The following ZNF609 variants were observed in gnomAD, a reference collection of about 807,000 sequenced individuals.
The protein encoded by ZNF609 is zinc finger protein 609.
A neutral mutation model predicts 109.5 loss-of-function variants in ZNF609; 11 were observed. The observed-to-expected ratio is 0.10, with a 90% confidence interval of 0.06 to 0.17. The LOEUF (loss-of-function observed/expected upper bound fraction) is 0.17. Ranked by LOEUF, ZNF609 falls within the 10% of genes least tolerant of loss-of-function variation. The probability of loss-of-function intolerance (pLI) is 1.00; values close to 1 mark genes in which losing one functional copy is unlikely to be tolerated. For synonymous variants in ZNF609, 646 were observed against 662.0 expected (o/e 0.98, Z 0.37); for missense variants, 1,559 against 1,772.4 (o/e 0.88, Z 2.16).
intron 7 of ZNF609, 133 bp from the exon 8 acceptor site, chr15:64,680,513 G>T: frequency 3.9e-6 from 5 of 1,279,200 alleles, no homozygotes; most frequent in Non-Finnish European, 5.4e-6. Flanking sequence ...TTATTCTTAG[G>T]TATCTTGCAC....
At chr15:64,480,479 C>T (rs56307383) in intron 1 of ZNF609, among the ~76,000 whole-genome samples, 7,284 of 151,150 alleles carry the variant, frequency 0.048, 232 homozygotes, top group South Asian at 0.086. Flanking sequence ...TGCAGTGAGC[C>T]GAGATTCCAC....
intron 2 of ZNF609, chr15:64,500,717 C>G: frequency 2.5e-6 from 1 of 399,970 alleles, no homozygotes; most frequent in Non-Finnish European, 4.5e-6. Flanking sequence ...ATTTTGAGGG[C>G]AAGAGGTACT....
chr15:64,569,234 T>C (rs767997072), intron 2 of ZNF609, among the ~76,000 whole-genome samples: 4 of 152,214 alleles, frequency 2.6e-5, no homozygotes, highest in Non-Finnish European at 5.9e-5. Context: ...CATTGTGGCA[T>C]TTATTCCTCT....
intron 2 of ZNF609, among the ~76,000 whole-genome samples, chr15:64,601,090 T>G (rs531478604): frequency 6.6e-6 from 1 of 152,330 alleles, no homozygotes; most frequent in South Asian, 2.1e-4. Flanking sequence ...GTCCTGTGAT[T>G]TGGCCCTCTT....
At position 64,674,852 on chromosome 15, in the gene ZNF609, G is replaced by A. The variant is rs1595760677; in HGVS notation, c.1998G>A (p.Gln666=). ...ARPIAPAIPP[Q]QIYTFQTATF... is the part of the protein sequence containing the mutation. The stretch of plus-strand genomic sequence containing the variant: ...CCATTGCCCCTGCCATCCCCCCACA[G>A]CAAATCTACACCTTCCAGACAGCCA... Residue 666 remains glutamine, a synonymous_variant, in exon 5 of 10, where the codon CAG becomes CAA. Coordinates refer to ENST00000326648, the MANE Select transcript of ZNF609 (RefSeq NM_015042.2). The A allele has an allele frequency of 1.2e-6, 2 of 1,613,328 alleles. No homozygotes were observed. The highest frequency in any genetic ancestry group is 2.2e-5 in the South Asian group (2 of 91,042).
chr15:64,518,422 A>C (rs1460075978), intron 2 of ZNF609, among the ~76,000 whole-genome samples: 1 of 152,222 alleles, frequency 6.6e-6, no homozygotes, highest in East Asian at 1.9e-4. Flanking sequence ...AGGAGGAGGA[A>C]TAGAATGGTA....
At chr15:64,553,545 A>C (rs1016072811) in intron 2 of ZNF609, among the ~76,000 whole-genome samples, 1 of 150,438 alleles carries the variant, frequency 6.6e-6, no homozygotes, top group Non-Finnish European at 1.5e-5. Flanking sequence ...TTACGTAATA[A>C]TTTTTTAATT....
chr15:64,538,877 C>T (rs1290913559), intron 2 of ZNF609, among the ~76,000 whole-genome samples: 1 of 152,062 alleles, frequency 6.6e-6, no homozygotes, highest in Non-Finnish European at 1.5e-5. Flanking sequence ...AAATAAAACC[C>T]AGGCTAGAGT....
intron 3 of ZNF609, among the ~76,000 whole-genome samples, chr15:64,649,646 A>G (rs1426972859): frequency 6.6e-6 from 1 of 152,184 alleles, no homozygotes; most frequent in Non-Finnish European, 1.5e-5. Flanking sequence ...GTACCTGCTA[A>G]GTATTTAGGG....
intron 2 of ZNF609, among the ~76,000 whole-genome samples, chr15:64,621,315 T>G (rs1355418068): frequency 6.6e-6 from 1 of 152,162 alleles, no homozygotes; most frequent in Non-Finnish European, 1.5e-5. Flanking sequence ...ATTCTGGGAT[T>G]TAAAGAGTTA....
intron 2 of ZNF609, among the ~76,000 whole-genome samples, chr15:64,535,433 G>A (rs1257197070): frequency 6.6e-6 from 1 of 152,190 alleles, no homozygotes; most frequent in Non-Finnish European, 1.5e-5. Context: ...CATCCAGGTT[G>A]TTGCGTGTAT....
In ZNF609 at chr15:64,678,369, C is replaced by G. The variant is rs750435482; in HGVS notation, c.3656C>G (p.Thr1219Ser). 5.6e-6 allele frequency: 9 copies of G among 1,614,128 alleles called. No individual in the cohort carries two copies. The highest frequency in any genetic ancestry group is 7.6e-6 in the Non-Finnish European group (9 of 1,180,026). Residue 1219 changes from threonine to serine, a missense_variant, in exon 6 of 10, where the codon ACC becomes AGC. By Grantham distance (58) the Thr-to-Ser change is moderately conservative (BLOSUM62 1). This residue lies in a region of ZNF609 where 1,204 missense variants were observed against 1,314.1 expected (regional missense o/e 0.92). Transcript: ENST00000326648. ...CATGTGCCTGTGTCCTCCCCACTTA[C>G]CCAGCACCAGTCCTACATCCCCTAC... ...SVHVPVSSPL[T>S]QHQSYIPYMH...
chr15:64,598,772 A>ATGTATATATGTATATATGTATATATG, intron 2 of ZNF609, among the ~76,000 whole-genome samples: 1 of 127,454 alleles, frequency 7.8e-6, no homozygotes, highest in Non-Finnish European at 1.8e-5. Flanking sequence ...ATATATATAT[A>ATGTATATATGTATATATGTATATATG]TATATATATA....
intron 2 of ZNF609, among the ~76,000 whole-genome samples, chr15:64,504,591 C>T (rs953117007): frequency 1.3e-5 from 2 of 151,934 alleles, no homozygotes; most frequent in African/African-American, 4.8e-5. Flanking sequence ...TGCCTTAGCT[C>T]CCCGAGTAGC....
At chr15:64,619,099 C>T (rs1895842938) in intron 2 of ZNF609, among the ~76,000 whole-genome samples, 1 of 152,224 alleles carries the variant, frequency 6.6e-6, no homozygotes, top group South Asian at 2.1e-4. Flanking sequence ...CCTACCTCAG[C>T]GTCCCAAGTA....
intron 1 of ZNF609, among the ~76,000 whole-genome samples, chr15:64,462,595 C>T (rs558795146): frequency 6.6e-6 from 1 of 152,076 alleles, no homozygotes; most frequent in East Asian, 1.9e-4. Context: ...AAAGCAAGAC[C>T]CTGTTTCTTT....
chr15:64,600,013 A>G (rs1420673652), intron 2 of ZNF609, among the ~76,000 whole-genome samples: 2 of 152,142 alleles, frequency 1.3e-5, no homozygotes, highest in Non-Finnish European at 1.5e-5. Flanking sequence ...TTGTTTGCCA[A>G]TTAATCTAAT....
Position 64,526,109 on chromosome 15 carries a change from T to C in ZNF609, c.747+25943T>C, listed in dbSNP as rs148547142. On this transcript the variant is annotated intron_variant, in intron 2 of 9. Transcript: ENST00000326648. ...TCAGCCCTGTTTTTTCTTTTCTTTT[T>C]TTTTTTTTTTTTAAGCCAGTCAAAT... Among the ~76,000 whole-genome samples, 390 of 151,226 alleles carry C rather than the reference T, an allele frequency of 2.6e-3. 2 individuals are homozygous for C. The highest frequency in any genetic ancestry group is 8.6e-3 in the African/African-American group (357 of 41,316).
At chr15:64,517,619 C>T (rs1893832191) in intron 2 of ZNF609, among the ~76,000 whole-genome samples, 1 of 151,884 alleles carries the variant, frequency 6.6e-6, no homozygotes, top group Non-Finnish European at 1.5e-5. Context: ...CCTGTAGTCC[C>T]AGCTACTTGG....
Sources: gnomAD v4.1 joint callset for allele counts (sites outside exome capture counted in the v4.1 genomes callset) on GRCh38, gnomAD v4.1.1 for gene constraint, gnomAD v4.1.1 regional missense constraint, MANE v1.5 for transcripts, NCBI Gene and HGNC (gene_info 2026-07-23, HGNC 2026-07-21) for gene names.